Variants in THRB observed in about 807,000 individuals in gnomAD.
THRB encodes nuclear receptor subfamily 1 group A member 2.
THRB carries 12 observed loss-of-function variants against 47.8 expected under a neutral mutation model. The ratio of observed to expected loss-of-function variants is 0.25; its 90% confidence interval spans 0.16 to 0.41. THRB has a LOEUF of 0.41. THRB is among the 10% of genes least tolerant of loss of function. The probability of loss-of-function intolerance (pLI) is 1.00; values close to 1 mark genes in which losing one functional copy is unlikely to be tolerated. For synonymous variants in THRB, 218 were observed against 212.2 expected (o/e 1.03, Z -0.24); for missense variants, 348 against 589.2 (o/e 0.59, Z 4.24).
chr3:24,322,795 G>A (rs891784004), intron 2 of THRB, among the ~76,000 whole-genome samples: 15 of 152,134 alleles, frequency 9.9e-5, no homozygotes, highest in Non-Finnish European at 1.9e-4. Context: ...ATCAATATAT[G>A]AGAATAGTCC....
chr3:24,413,909 G>A (rs1246046801), intron 1 of THRB, among the ~76,000 whole-genome samples: 5 of 151,768 alleles, frequency 3.3e-5, no homozygotes, highest in African/African-American at 4.8e-5. Flanking sequence ...GCAAACTATC[G>A]CAAGGACAGA....
chr3:24,276,074 C>G (rs1303108235), intron 3 of THRB, among the ~76,000 whole-genome samples: 1 of 151,552 alleles, frequency 6.6e-6, no homozygotes, highest in Non-Finnish European at 1.5e-5. Context: ...CCTTTCCATG[C>G]TCTTGTAGAC....
At chr3:24,474,305 C>A (rs1255226825) in intron 1 of THRB, among the ~76,000 whole-genome samples, 1 of 152,150 alleles carries the variant, frequency 6.6e-6, no homozygotes, top group African/African-American at 2.4e-5. Context: ...AAAGGCAATT[C>A]AATAGGATAC....
chr3:24,462,160 G>A (rs1014296933), intron 1 of THRB, among the ~76,000 whole-genome samples: 40 of 138,992 alleles, frequency 2.9e-4, no homozygotes, highest in African/African-American at 9.9e-4. Flanking sequence ...AGAACATAAT[G>A]GCTAAAAAAA....
At chr3:24,288,685 A>T (rs745817114) in intron 3 of THRB, among the ~76,000 whole-genome samples, 1 of 152,206 alleles carries the variant, frequency 6.6e-6, no homozygotes, top group Non-Finnish European at 1.5e-5. Context: ...TCCCGGGTTG[A>T]ATCAAGTACA....
At chr3:24,126,867 A>G (rs1198712342) in intron 10 of THRB, among the ~76,000 whole-genome samples, 1 of 152,208 alleles carries the variant, frequency 6.6e-6, no homozygotes, top group African/African-American at 2.4e-5. Context: ...ACTGGGCCTC[A>G]TGGGATCTGC....
At chr3:24,338,784 A>G (rs2062433231) in intron 1 of THRB, among the ~76,000 whole-genome samples, 1 of 152,260 alleles carries the variant, frequency 6.6e-6, no homozygotes, top group Non-Finnish European at 1.5e-5. Flanking sequence ...ATTTATTAAA[A>G]TTGACTTGCT....
intron 8 of THRB, among the ~76,000 whole-genome samples, chr3:24,135,846 T>TATATATATATATATATATATATAA (rs1231598841): frequency 2.1e-4 from 26 of 121,160 alleles, no homozygotes; most frequent in African/African-American, 8.2e-4. Context: ...TATATATATA[T>TATATATATATATATATATATATAA]AATACATAAA....
intron 1 of THRB, among the ~76,000 whole-genome samples, chr3:24,437,462 G>A (rs763961853): frequency 1.6e-4 from 25 of 152,134 alleles, no homozygotes; most frequent in African/African-American, 5.3e-4. Context: ...TCTAGCACTC[G>A]AAAGTACAGT....
intron 4 of THRB, among the ~76,000 whole-genome samples, chr3:24,195,232 T>C (rs2043818440): frequency 6.6e-6 from 1 of 152,220 alleles, no homozygotes; most frequent in South Asian, 2.1e-4. Flanking sequence ...AGCCAGGAAC[T>C]GAGCTAGACA....
chr3:24,420,283 A>C (rs1273321230), intron 1 of THRB, among the ~76,000 whole-genome samples: 1 of 151,902 alleles, frequency 6.6e-6, no homozygotes, highest in Non-Finnish European at 1.5e-5. Context: ...GAACCAGCAG[A>C]GCAGTCAACT....
intron 1 of THRB, among the ~76,000 whole-genome samples, chr3:24,400,930 C>T (rs576031088): frequency 1.3e-5 from 2 of 152,146 alleles, no homozygotes; most frequent in South Asian, 4.1e-4. Flanking sequence ...AAAATATTAT[C>T]TGGCTTGGAT....
intron 5 of THRB, among the ~76,000 whole-genome samples, chr3:24,185,185 T>C (rs2042411408): frequency 6.6e-6 from 1 of 152,064 alleles, no homozygotes; most frequent in Admixed American, 6.5e-5. Context: ...TAAAGTATGA[T>C]ACATCTATAA....
intron 3 of THRB, among the ~76,000 whole-genome samples, chr3:24,272,595 T>G (rs1377257078): frequency 6.6e-6 from 1 of 152,204 alleles, no homozygotes; most frequent in African/African-American, 2.4e-5. Context: ...ATCTTTTCCC[T>G]GGCAAGGAAT....
intron 5 of THRB, among the ~76,000 whole-genome samples, chr3:24,188,266 G>C (rs2042850491): frequency 6.6e-6 from 1 of 152,164 alleles, no homozygotes; most frequent in Admixed American, 6.6e-5. Context: ...AATAATGACA[G>C]TTGCTATTCA....
At chr3:24,454,611 A>G (rs1340160877) in intron 1 of THRB, among the ~76,000 whole-genome samples, 1 of 152,232 alleles carries the variant, frequency 6.6e-6, no homozygotes. Context: ...GGTGTGGCTT[A>G]ACTAAGAGTA....
rs900394456 is a variant in THRB at position 24,119,267 on chromosome 3, G to C, written c.*3617C>G. On this transcript the variant is annotated 3_prime_UTR_variant, in exon 11 of 11. Coordinates refer to ENST00000646209, the MANE Select transcript of THRB (RefSeq NM_001354712.2). ...TGCCATAGCCGTTGGAAAGGGCAAA[G>C]AGATTCAAATGTCGATCATCACTCT... 1.3e-5 allele frequency: 2 copies of C among 152,280 alleles called. No individual in the cohort carries two copies. The highest frequency in any genetic ancestry group is 4.8e-5 in the African/African-American group (2 of 41,422). The allele number at this position is 152,280 out of a possible 1,614,324, so 9.4% of individuals were successfully genotyped here.
At chr3:24,296,092 T>C (rs1385323863) in intron 3 of THRB, among the ~76,000 whole-genome samples, 1 of 152,240 alleles carries the variant, frequency 6.6e-6, no homozygotes, top group African/African-American at 2.4e-5. Flanking sequence ...CATTTGCCTC[T>C]GTAACAACTC....
intron 4 of THRB, among the ~76,000 whole-genome samples, chr3:24,228,251 A>G (rs183905081): frequency 4.3e-4 from 66 of 152,308 alleles, no homozygotes; most frequent in Non-Finnish European, 8.1e-4. Context: ...TAAATTGCAC[A>G]AAGAATTTGT....
Sources: allele counts gnomAD v4.1 joint callset (sites outside exome capture counted in the v4.1 genomes callset), GRCh38; gene constraint gnomAD v4.1.1; transcripts MANE v1.5; gene names NCBI Gene and HGNC (gene_info 2026-07-23, HGNC 2026-07-21).